The following SPAG11B variants were observed in gnomAD, a reference collection of about 807,000 sequenced individuals.
SPAG11B encodes sperm-associated antigen 11B.
In SPAG11B, 5 loss-of-function variants were observed where a neutral mutation model predicts 8.9. The observed-to-expected ratio is 0.56, with a 90% CI of 0.29 to 1.19. SPAG11B has a LOEUF of 1.19. Among genes scored for constraint, SPAG11B ranks in the 50% most tolerant of loss-of-function variants. The probability of loss-of-function intolerance (pLI) is 0.08; values close to 1 mark genes in which losing one functional copy is unlikely to be tolerated. For synonymous variants in SPAG11B, 12 were observed against 53.0 expected (o/e 0.23, Z 3.36); for missense variants, 38 against 146.4 (o/e 0.26, Z 3.82).
chr8:7,448,786 C>CCCCTTCCCTT (rs773065371), downstream of SPAG11B, among the ~76,000 whole-genome samples: 8 of 127,088 alleles, frequency 6.3e-5, no homozygotes, highest in East Asian at 4.5e-4. Context: ...CCCCTCTCCT[C>CCCCTTCCCTT]CCCTTCCCTT....
At position 7,452,970 on chromosome 8, in the gene SPAG11B, G is replaced by A. The variant is rs1214246598; in HGVS notation, c.215-2070C>T. Among the ~76,000 whole-genome samples, 2 of 147,802 alleles carry A rather than the reference G, an allele frequency of 1.4e-5. 1 individual carries two copies. The highest frequency in any genetic ancestry group is 3.0e-5 in the Non-Finnish European group (2 of 67,196). On this transcript the variant is annotated intron_variant, in intron 2 of 2. Coordinates refer to ENST00000398462, the MANE Select transcript of SPAG11B (RefSeq NM_058201.4). ...CTATGCTGAAAGAAAAAAAAAAACAGAGACAACGTACCACATTATTCCAAA... is the reference window on the plus strand; with the variant it reads ...CTATGCTGAAAGAAAAAAAAAAACAAAGACAACGTACCACATTATTCCAAA...
intron 2 of SPAG11B, among the ~76,000 whole-genome samples, chr8:7,459,408 C>T (rs1432247136): frequency 7.3e-4 from 105 of 142,880 alleles, no homozygotes; most frequent in Non-Finnish European, 1.2e-3. Context: ...ACGGATATAC[C>T]AAAGAAATAT....
Position 7,450,981 on chromosome 8 carries a change from G to A in SPAG11B, c.215-81C>T. ...AGATGACCCCAGCCCGCTGCCAAGG[G>A]TTATATATTCTGACAAGGCTAAGTA... On this transcript the variant is annotated intron_variant, in intron 2 of 2. Transcript: ENST00000398462. The A allele has an allele frequency of 5.9e-6, 9 of 1,527,522 alleles. 1 individual carries two copies. In the South Asian group the frequency reaches 9.5e-5, roughly 16 times the overall value. The allele number at this position is 1,527,522 out of a possible 1,614,324, so 94.6% of individuals were successfully genotyped here. A position where few individuals can be genotyped will look rare whatever the true frequency, so the allele number is the denominator to read the frequency against.
chr8:7,462,422 T>C (rs1810712839), intron 2 of SPAG11B, among the ~76,000 whole-genome samples: 1 of 152,066 alleles, frequency 6.6e-6, no homozygotes, highest in Non-Finnish European at 1.5e-5. Flanking sequence ...CTGGCACCTG[T>C]TCTTGGAGGA....
chr8:7,448,764 G>A (rs553669467), downstream of SPAG11B, among the ~76,000 whole-genome samples: 10 of 106,790 alleles, frequency 9.4e-5, no homozygotes, highest in South Asian at 3.0e-4. Context: ...CTTCCCTCCC[G>A]TCCCTTCCCT....
chr8:7,452,969 A>T (rs73661361), intron 2 of SPAG11B, among the ~76,000 whole-genome samples: 1,810 of 147,580 alleles, frequency 0.012, 79 homozygotes, highest in African/African-American at 0.045. Flanking sequence ...AAAAAAAAAC[A>T]GAGACAACGT....
At chr8:7,452,882 C>T (rs1810263679) in intron 2 of SPAG11B, among the ~76,000 whole-genome samples, 1 of 135,776 alleles carries the variant, frequency 7.4e-6, no homozygotes, top group African/African-American at 2.9e-5. Context: ...TGTATTTCCA[C>T]ACCACAACAA....
At chr8:7,452,636 T>G (rs1479899739) in intron 2 of SPAG11B, among the ~76,000 whole-genome samples, 8 of 31,624 alleles carry the variant, frequency 2.5e-4, no homozygotes, top group African/African-American at 1.4e-4. Context: ...AGCCCTGTGC[T>G]AGGTGCTAGA....
intron 2 of SPAG11B, among the ~76,000 whole-genome samples, chr8:7,452,973 A>G (rs1810270422): frequency 6.8e-6 from 1 of 147,896 alleles, no homozygotes; most frequent in South Asian, 2.1e-4. Flanking sequence ...AAAAACAGAG[A>G]CAACGTACCA....
intron 2 of SPAG11B, 37 bp from the exon 3 acceptor site, chr8:7,450,937 A>C: frequency 6.5e-7 from 1 of 1,548,882 alleles, no homozygotes; most frequent in Non-Finnish European, 8.8e-7. Context: ...CATTTAACTC[A>C]TATAGTGCAG....
At chr8:7,449,649 CGA>C (rs1810004664), downstream of SPAG11B, among the ~76,000 whole-genome samples, 1 of 148,478 alleles carries the variant, frequency 6.7e-6, no homozygotes, top group African/African-American at 2.6e-5. Flanking sequence ...GAAGAGGTTG[CGA>C]GAGGCCAAAG....
At chr8:7,451,811 A>G (rs1396091197) in intron 2 of SPAG11B, among the ~76,000 whole-genome samples, 1 of 151,806 alleles carries the variant, frequency 6.6e-6, no homozygotes, top group Non-Finnish European at 1.5e-5. Flanking sequence ...AATGTGTTCT[A>G]TGTGCAAGCA....
In SPAG11B at chr8:7,451,099, T is replaced by C. The variant is rs757866393; in HGVS notation, c.215-199A>G. ...ATCTGAAATGTTGCCAGGAGGATGA[T>C]AGGGTGTGTTTTATGAATGCTCACC... is the stretch of plus-strand genomic sequence containing the variant. On this transcript the variant is annotated intron_variant, in intron 2 of 2. Transcript: ENST00000398462. 1.6e-5 allele frequency: 24 copies of C among 1,534,458 alleles called. 3 individuals are homozygous for C. In the Admixed American group the frequency reaches 2.3e-4, roughly 15 times the overall value.
downstream of SPAG11B, among the ~76,000 whole-genome samples, chr8:7,450,279 G>T (rs572131042): frequency 6.9e-6 from 1 of 145,798 alleles, no homozygotes; most frequent in African/African-American, 2.6e-5. Flanking sequence ...TGACCTGTTG[G>T]TGTTATTGCT....
chr8:7,452,667 T>C (rs1191939595), intron 2 of SPAG11B, among the ~76,000 whole-genome samples: 1 of 51,562 alleles, frequency 1.9e-5, no homozygotes, highest in Non-Finnish European at 3.8e-5. Flanking sequence ...TGTAAAGATA[T>C]ATTTTCTGCC....
downstream of SPAG11B, among the ~76,000 whole-genome samples, chr8:7,449,551 T>C (rs1206479291): frequency 2.0e-5 from 3 of 149,744 alleles, no homozygotes; most frequent in Non-Finnish European, 3.0e-5. Flanking sequence ...CCTGCAGAGG[T>C]GCCTGTGCCT....
At chr8:7,457,169 T>C (rs1349908542) in intron 2 of SPAG11B, among the ~76,000 whole-genome samples, 1 of 150,288 alleles carries the variant, frequency 6.7e-6, no homozygotes, top group Non-Finnish European at 1.5e-5. Flanking sequence ...CAGGAAGCGC[T>C]TTCTTATGTT....
intron 2 of SPAG11B, among the ~76,000 whole-genome samples, chr8:7,453,438 A>G (rs1233651057): frequency 0.02 from 2,897 of 146,660 alleles, 91 homozygotes; most frequent in African/African-American, 0.073. Context: ...TAATCCTTCC[A>G]GAGGTGTCCC....
chr8:7,457,001 G>GA lies in SPAG11B; in HGVS notation c.214+5705dup, dbSNP rs56957269. Among the ~76,000 whole-genome samples the GA allele has an allele frequency of 7.9e-5, 7 of 88,352 alleles. 1 individual carries two copies. The highest frequency in any genetic ancestry group is 2.4e-4 in the Admixed American group (2 of 8,194). The allele number at this position is 88,352 out of a possible 152,430, so 58.0% of individuals were successfully genotyped here. On this transcript the variant is annotated intron_variant, in intron 2 of 2. Transcript: ENST00000398462. ...ATATTATAATATCAAAGAATGAGAG[G>GA]AAAAAAAAATCAGTTTCTACCTGTT...
Sources: allele counts gnomAD v4.1 joint callset (sites outside exome capture counted in the v4.1 genomes callset), GRCh38; gene constraint gnomAD v4.1.1; transcripts MANE v1.5; gene names NCBI Gene and HGNC (gene_info 2026-07-23, HGNC 2026-07-21).